SLC11A1: variants seen among roughly 807,000 people sequenced by gnomAD.
The protein encoded by SLC11A1 is solute carrier family 11 member 1.
A neutral mutation model predicts 63.2 loss-of-function variants in SLC11A1; 59 were observed. The observed-to-expected ratio is 0.93, with a 90% CI of 0.76 to 1.16. The LOEUF (loss-of-function observed/expected upper bound fraction) is 1.16, where lower values mean the gene tolerates loss of function less well. Among genes scored for constraint, SLC11A1 ranks in the 50% most tolerant of loss-of-function variants. The pLI is 0.00. For missense variants in SLC11A1, 688 were observed against 730.7 expected, an observed-to-expected ratio of 0.94 and a Z score of 0.67; for synonymous variants, 305 against 307.8, an observed-to-expected ratio of 0.99 and a Z score of 0.09.
Position 218,383,113 on chromosome 2 carries a change from G to A in SLC11A1, c.150+11G>A. 1 of 1,612,948 alleles carries A rather than the reference G, an allele frequency of 6.2e-7. No homozygotes were observed. The highest frequency in any genetic ancestry group is 8.5e-7 in the Non-Finnish European group (1 of 1,179,522). ...CCAGACACAAAACCGGTGGGATGCT[G>A]GAAACTTCCTGGGGGCTTGCAAGAT... On this transcript the variant is annotated intron_variant, in intron 2 of 14. Coordinates refer to ENST00000233202, the MANE Select transcript of SLC11A1 (RefSeq NM_000578.4).
At chr2:218,387,294 C>A in intron 6 of SLC11A1, 64 bp downstream of exon 6, 2 of 1,474,752 alleles carry the variant, frequency 1.4e-6, no homozygotes, top group Non-Finnish European at 1.9e-6. Context: ...GGGAGAAGGG[C>A]TCTGACATCG....
Position 218,392,968 on chromosome 2 carries a change from AC to A in SLC11A1, c.1165-8del. 1 of 1,578,886 alleles carries A rather than the reference AC, an allele frequency of 6.3e-7. No individual in the cohort carries two copies. Reference sequence around the variant, plus strand: ...CTGTCTACTCCTCACCAAGGAGTTCACCCCCACCCCAGGGCTTCCTGAGGCT... The same window carrying A: ...CTGTCTACTCCTCACCAAGGAGTTCACCCCACCCCAGGGCTTCCTGAGGCT... On this transcript the variant is annotated splice_polypyrimidine_tract_variant and intron_variant, in intron 11 of 14. Transcript: ENST00000233202.
intron 4 of SLC11A1, among the ~76,000 whole-genome samples, chr2:218,386,073 T>C (rs984370455): frequency 5.9e-5 from 9 of 152,198 alleles, no homozygotes; most frequent in Non-Finnish European, 1.0e-4. Flanking sequence ...GGAAGCATTA[T>C]TGATGCTGAT....
chr2:218,394,282 T>C, intron 13 of SLC11A1, 89 bp downstream of exon 13: 2 of 1,336,596 alleles, frequency 1.5e-6, no homozygotes, highest in Non-Finnish European at 2.1e-6. Context: ...TTCTCCCCAT[T>C]ATCCCAATGA....
At position 218,387,899 on chromosome 2, in the gene SLC11A1, A is replaced by G; in HGVS notation, c.739A>G (p.Ile247Val). Residue 247 changes from isoleucine to valine, a missense_variant, in exon 8 of 15, where the codon ATT (isoleucine) becomes GTT (valine). Physicochemically the swap from Ile to Val is conservative, Grantham distance 29 (BLOSUM62 3). Coordinates refer to ENST00000233202, the MANE Select transcript of SLC11A1 (RefSeq NM_000578.4). ...CCCCGAGCTGCTGCAGGCGGTGGGCATTGTTGGCGCCATCATCATGCCCCA... is the reference window on the plus strand; with the variant it reads ...CCCCGAGCTGCTGCAGGCGGTGGGCGTTGTTGGCGCCATCATCATGCCCCA... ...GHPELLQAVG[I>V]VGAIIMPHNI... The G allele has an allele frequency of 6.2e-7, 1 of 1,606,902 alleles. No homozygotes were observed. Among genetic ancestry groups the G allele is most frequent in the Non-Finnish European group, 8.5e-7 (1 of 1,177,218 alleles).
chr2:218,387,708 CG>C (rs1574768159), intron 7 of SLC11A1, 76 bp downstream of exon 7: 6 of 1,610,892 alleles, frequency 3.7e-6, no homozygotes, highest in East Asian at 4.5e-5. Flanking sequence ...CCGCGGGCTG[CG>C]GGGGGCTGGG....
chr2:218,388,818 C>A (rs1696272380), intron 8 of SLC11A1, among the ~76,000 whole-genome samples: 1 of 148,114 alleles, frequency 6.8e-6, no homozygotes, highest in African/African-American at 2.5e-5. Flanking sequence ...AGAAAAAGAA[C>A]AAGAACTATA....
Position 218,395,054 on chromosome 2 carries a change from C to G in SLC11A1, c.*19C>G. 6.4e-7 allele frequency: 1 copy of G among 1,552,348 alleles called. No homozygotes were observed. Among genetic ancestry groups the G allele is most frequent in the Non-Finnish European group, 8.8e-7 (1 of 1,139,452 alleles). On this transcript the variant is annotated 3_prime_UTR_variant, in exon 15 of 15. Transcript: ENST00000233202. ...TGGCTAGGCCCACACCAGGGCCTGGCTGGGAGTGGCATGTATGACGTGACT... is the reference window on the plus strand; with the variant it reads ...TGGCTAGGCCCACACCAGGGCCTGGGTGGGAGTGGCATGTATGACGTGACT...
rs768456404 is a variant in SLC11A1 at position 218,393,090 on chromosome 2, C to T, written c.1274C>T (p.Ser425Leu). 3.8e-5 allele frequency: 61 copies of T among 1,595,076 alleles called. No homozygotes were observed. In the East Asian group the frequency reaches 1.2e-3, roughly 31 times the overall value. Residue 425 changes from serine (S) to leucine (L), a missense_variant, in exon 12 of 15, where the codon TCG (serine) becomes TTG (leucine). Ser to Leu is a moderately radical substitution (Grantham distance 145, BLOSUM62 -2). Coordinates refer to ENST00000233202, the MANE Select transcript of SLC11A1 (RefSeq NM_000578.4). ...GTCTTCCGGGACCTGAGGGACTTGT[C>T]GGGCCTCAATGATCTGCTCAACGTG... ...VAVFRDLRDL[S>L]GLNDLLNVLQ...
At position 218,384,965 on chromosome 2, in the gene SLC11A1, C is replaced by T. The variant is rs1696000147; in HGVS notation, c.274-182C>T. ...CTTGAACTCCTGGACTCAAGCAATC[C>T]TCCCACCTTAGCCTTTTAAAGTGCT... On this transcript the variant is annotated intron_variant, in intron 3 of 14. Transcript: ENST00000233202. The surrounding 1 kb of genome is among the most constrained non-coding windows in gnomAD (Gnocchi z 4.0). 1.5e-6 allele frequency: 1 copy of T among 668,388 alleles called. No homozygotes were observed. The highest frequency in any genetic ancestry group is 1.9e-5 in the South Asian group (1 of 53,872). The allele number at this position is 668,388 out of a possible 1,614,324, so 41.4% of individuals were successfully genotyped here.
rs747985621 is a variant in SLC11A1 at position 218,386,618 on chromosome 2, T to G, written c.394-17T>G. On this transcript the variant is annotated splice_polypyrimidine_tract_variant and intron_variant, in intron 4 of 14. Coordinates refer to ENST00000233202, the MANE Select transcript of SLC11A1 (RefSeq NM_000578.4). Reference sequence around the variant, plus strand: ...TAACCGGCCCACCCTTAATGAAGGATCATCTCCTCCCCATAGGTGCCCCGC... The same window carrying G: ...TAACCGGCCCACCCTTAATGAAGGAGCATCTCCTCCCCATAGGTGCCCCGC... 1 of 1,587,040 alleles carries G rather than the reference T, an allele frequency of 6.3e-7. No homozygotes were observed. The highest frequency in any genetic ancestry group is 8.6e-7 in the Non-Finnish European group (1 of 1,157,990).
chr2:218,388,128 G>GGGAGGC (rs1295731380), intron 8 of SLC11A1, 173 bp downstream of exon 8: 11 of 746,278 alleles, frequency 1.5e-5, no homozygotes, highest in African/African-American at 1.4e-4. Flanking sequence ...CCAGCACTTT[G>GGGAGGC]GGAGGCGGAG....
chr2:218,390,107 G>A (rs1429802880), intron 9 of SLC11A1, 79 bp downstream of exon 9: 1 of 1,457,896 alleles, frequency 6.9e-7, no homozygotes, highest in Non-Finnish European at 9.3e-7. Context: ...CCTAGGCAAT[G>A]CAGCTGAGCC....
At position 218,396,307 on chromosome 2, in the gene SLC11A1, G is replaced by T. The variant is rs1696761135; in HGVS notation, c.*1272G>T. ...CATTCAGGGGCTGCACTTTATAGAC[G>T]TTCCCTAGGCTGTTTCTAGGCTCCC... On this transcript the variant is annotated 3_prime_UTR_variant, in exon 15 of 15. Transcript: ENST00000233202. 1 of 152,350 alleles carries T rather than the reference G, an allele frequency of 6.6e-6. No homozygotes were observed. The highest frequency in any genetic ancestry group is 1.5e-5 in the Non-Finnish European group (1 of 68,080). The allele number at this position is 152,350 out of a possible 1,614,324, so 9.4% of individuals were successfully genotyped here. A position where few individuals can be genotyped will look rare whatever the true frequency, so the allele number is the denominator to read the frequency against.
At chr2:218,383,126 G>T in intron 2 of SLC11A1, 24 bp downstream of exon 2, 2 of 1,611,550 alleles carry the variant, frequency 1.2e-6, no homozygotes, top group Non-Finnish European at 1.7e-6. Flanking sequence ...AACTTCCTGG[G>T]GGCTTGCAAG....
At chr2:218,383,367 T>C (rs1695907707) in intron 2 of SLC11A1, 1 of 475,912 alleles carries the variant, frequency 2.1e-6, no homozygotes, top group Non-Finnish European at 3.8e-6. Flanking sequence ...CCAGGGGGAA[T>C]TGGGATTGGA....
intron 5 of SLC11A1, 56 bp downstream of exon 5, chr2:218,386,797 C>T: frequency 7.7e-7 from 1 of 1,300,394 alleles, no homozygotes; most frequent in Non-Finnish European, 1.1e-6. Context: ...GCTGCTGCTA[C>T]TTCCCCCCCT....
At position 218,387,247 on chromosome 2, in the gene SLC11A1, C is replaced by G. The variant is rs1696154619; in HGVS notation, c.571+17C>G. ...ATAACTACGGTGGGTGCACACCCCA[C>G]CTCATAGGGGAGTGGTGGTGGTGAG... On this transcript the variant is annotated intron_variant, in intron 6 of 14. Transcript: ENST00000233202. The G allele has an allele frequency of 2.5e-6, 4 of 1,604,902 alleles. No homozygotes were observed. The highest frequency in any genetic ancestry group is 3.4e-6 in the Non-Finnish European group (4 of 1,173,504).
rs1696434893 is a variant in SLC11A1, at chr2:218,391,401, G to T, written c.1070G>T (p.Gly357Val). 1.2e-6 allele frequency: 2 copies of T among 1,613,992 alleles called. No homozygotes were observed. The highest frequency in any genetic ancestry group is 1.7e-6 in the Non-Finnish European group (2 of 1,179,934). The change falls in exon 11 of 15, where the codon GGC becomes GTC. Residue 357 changes from glycine (G) to valine (V), a missense_variant. Gly to Val is a moderately radical substitution (Grantham distance 109). Coordinates refer to ENST00000233202, the MANE Select transcript of SLC11A1 (RefSeq NM_000578.4). ...QGGVILGCLF[G>V]PAALYIWAIG... ...GGCGTGATCCTGGGCTGCCTGTTCG[G>T]CCCCGCGGCCCTCTACATCTGGGCC...
Sources: gnomAD v4.1 joint callset for allele counts (sites outside exome capture counted in the v4.1 genomes callset) on GRCh38, gnomAD v4.1.1 for gene constraint, Gnocchi (gnomAD v3.1) non-coding constraint, MANE v1.5 for transcripts, NCBI Gene and HGNC (gene_info 2026-07-23, HGNC 2026-07-21) for gene names.